The following RPS6KC1 variants were observed in gnomAD, a reference collection of about 807,000 sequenced individuals.
RPS6KC1 encodes ribosomal protein S6 kinase C1, also known as inactive ribosomal protein S6 kinase delta-1.
Under a neutral mutation model 103.8 loss-of-function variants are expected in RPS6KC1, and 54 were observed. The observed-to-expected ratio is 0.52, with a 90% CI of 0.42 to 0.65. RPS6KC1 has a LOEUF of 0.65. Ranked by LOEUF, RPS6KC1 falls within the 30% of genes least tolerant of loss-of-function variation. The pLI, the probability that RPS6KC1 is intolerant of heterozygous loss-of-function variation, is 0.00. For missense variants in RPS6KC1, 1,151 were observed against 1,253.8 expected, an observed-to-expected ratio of 0.92 and a Z score of 1.24; for synonymous variants, 439 against 438.7, an observed-to-expected ratio of 1.00 and a Z score of -0.01.
In RPS6KC1 at chr1:213,085,536, C is replaced by A. The variant is rs569650538; in HGVS notation, c.262+7720C>A. ...TGTAAGATCATGAAAACAAAATTAT[C>A]CCCTGGATTTAGCATCCATTGATGA... is the stretch of plus-strand genomic sequence containing the variant. On this transcript the variant is annotated intron_variant, in intron 3 of 14. Transcript: ENST00000366960. Among the ~76,000 whole-genome samples, 33 of 152,208 alleles carry A rather than the reference C, an allele frequency of 2.2e-4. 1 individual carries two copies. The highest frequency in any genetic ancestry group is 2.0e-3 in the Admixed American group (31 of 15,292).
intron 14 of RPS6KC1, among the ~76,000 whole-genome samples, chr1:213,268,548 A>G (rs2094963836): frequency 6.8e-6 from 1 of 148,118 alleles, no homozygotes; most frequent in Non-Finnish European, 1.5e-5. Context: ...TATTTTATTT[A>G]TATATAATTT....
At chr1:213,855,028 A>G in the RPS6KC1 span, among the ~76,000 whole-genome samples, 1 of 152,200 alleles carries the variant, frequency 6.6e-6, no homozygotes, top group Non-Finnish European at 1.5e-5. Flanking sequence ...ATGTCCTCAC[A>G]TGGTGGGGAA....
chr1:213,150,636 T>C (rs1354088786), intron 6 of RPS6KC1, among the ~76,000 whole-genome samples: 1 of 151,680 alleles, frequency 6.6e-6, no homozygotes, highest in Non-Finnish European at 1.5e-5. Context: ...GGAGGTAAGG[T>C]CACAGATCAA....
the RPS6KC1 span, among the ~76,000 whole-genome samples, chr1:213,360,027 T>C: frequency 1.3e-5 from 2 of 152,204 alleles, no homozygotes; most frequent in African/African-American, 4.8e-5. Context: ...ATCTGACAAT[T>C]ATGTGTCTTG....
chr1:213,197,133 G>A (rs1324787480), intron 8 of RPS6KC1, among the ~76,000 whole-genome samples: 5 of 151,872 alleles, frequency 3.3e-5, no homozygotes, highest in Admixed American at 6.6e-5. Context: ...CACCGTGCCC[G>A]GCCTCTACAT....
chr1:213,391,440 G>A, the RPS6KC1 span, among the ~76,000 whole-genome samples: 2 of 152,188 alleles, frequency 1.3e-5, no homozygotes, highest in African/African-American at 4.8e-5. Flanking sequence ...ATGGAAGTCC[G>A]TGCATGTGGA....
At chr1:213,303,457 G>A in the RPS6KC1 span, among the ~76,000 whole-genome samples, 1 of 152,290 alleles carries the variant, frequency 6.6e-6, no homozygotes, top group Non-Finnish European at 1.5e-5. Context: ...TAGATCAGAT[G>A]TCATGGCTGT....
the RPS6KC1 span, among the ~76,000 whole-genome samples, chr1:213,523,643 T>G: frequency 6.6e-6 from 1 of 152,240 alleles, no homozygotes; most frequent in Non-Finnish European, 1.5e-5. Flanking sequence ...TTGTTATCTT[T>G]ATGACCATTA....
At chr1:213,778,209 G>C in the RPS6KC1 span, among the ~76,000 whole-genome samples, 1 of 152,188 alleles carries the variant, frequency 6.6e-6, no homozygotes, top group Non-Finnish European at 1.5e-5. Context: ...AATAAATATT[G>C]ATATAGCAAA....
At chr1:213,532,117 C>A in the RPS6KC1 span, among the ~76,000 whole-genome samples, 152,292 of 152,302 alleles carry the variant, frequency 1, 76,141 homozygotes, top group Non-Finnish European at 1. Context: ...GGCAATTGCC[C>A]CCTTCTGCAG....
intron 4 of RPS6KC1, among the ~76,000 whole-genome samples, chr1:213,111,882 C>A (rs917905030): frequency 4.6e-5 from 7 of 152,106 alleles, no homozygotes; most frequent in African/African-American, 1.7e-4. Flanking sequence ...AATAGATATT[C>A]TTTTTGGAGA....
the RPS6KC1 span, among the ~76,000 whole-genome samples, chr1:213,755,374 G>A: frequency 6.6e-6 from 1 of 152,222 alleles, no homozygotes; most frequent in Non-Finnish European, 1.5e-5. Context: ...AGGAAGCAGG[G>A]AAAGGAGAAG....
At chr1:213,331,917 T>G in the RPS6KC1 span, among the ~76,000 whole-genome samples, 3 of 152,060 alleles carry the variant, frequency 2.0e-5, no homozygotes, top group Admixed American at 1.3e-4. Flanking sequence ...TCTCCATGTT[T>G]CCTGTTTTTG....
the RPS6KC1 span, among the ~76,000 whole-genome samples, chr1:213,782,696 A>G: frequency 6.6e-6 from 1 of 152,190 alleles, no homozygotes; most frequent in Non-Finnish European, 1.5e-5. Flanking sequence ...AGGAAGAAGG[A>G]GGAGAAAAAG....
At chr1:213,690,946 C>G in the RPS6KC1 span, among the ~76,000 whole-genome samples, 1 of 152,098 alleles carries the variant, frequency 6.6e-6, no homozygotes, top group African/African-American at 2.4e-5. Flanking sequence ...GCTAACTTCT[C>G]CTTGATTGTT....
chr1:213,629,269 G>T, the RPS6KC1 span, among the ~76,000 whole-genome samples: 2 of 152,092 alleles, frequency 1.3e-5, no homozygotes, highest in East Asian at 1.9e-4. Flanking sequence ...GGGTGCTCCT[G>T]TATTGGGTGC....
At chr1:213,420,369 A>C in the RPS6KC1 span, among the ~76,000 whole-genome samples, 1 of 152,314 alleles carries the variant, frequency 6.6e-6, no homozygotes, top group South Asian at 2.1e-4. Context: ...GGGGTATGGG[A>C]TATGATGTGA....
At position 213,074,957 on chromosome 1, in the gene RPS6KC1, G is replaced by A. The variant is rs182829397; in HGVS notation, c.142-2739G>A. Among the ~76,000 whole-genome samples the A allele has an allele frequency of 9.7e-3, 1,357 of 140,302 alleles. 13 individuals carry two copies. The highest frequency in any genetic ancestry group is 0.014 in the Non-Finnish European group (903 of 66,192). 92.0% of individuals were successfully genotyped at this position (140,302 alleles called of 152,430 possible). On this transcript the variant is annotated intron_variant, in intron 2 of 14. Coordinates refer to ENST00000366960, the MANE Select transcript of RPS6KC1 (RefSeq NM_012424.6). ...AAACTCCGCCTCCCGGGTTCATGCCGTTCTCCTGCCTCAGCCTCCCTAGTG... is the reference window on the plus strand; with the variant it reads ...AAACTCCGCCTCCCGGGTTCATGCCATTCTCCTGCCTCAGCCTCCCTAGTG...
chr1:213,729,811 G>T, the RPS6KC1 span, among the ~76,000 whole-genome samples: 2 of 152,104 alleles, frequency 1.3e-5, no homozygotes, highest in South Asian at 4.2e-4. Context: ...ACATGTGCAG[G>T]TTTGTTATAT....
Sources: gnomAD v4.1 joint callset for allele counts (sites outside exome capture counted in the v4.1 genomes callset) on GRCh38, gnomAD v4.1.1 for gene constraint, MANE v1.5 for transcripts, NCBI Gene and HGNC (gene_info 2026-07-23, HGNC 2026-07-21) for gene names.